Variants in ANK3 observed in about 807,000 individuals in gnomAD.
ANK3 encodes the protein ankyrin-3.
In ANK3, 57 loss-of-function variants were observed where a neutral mutation model predicts 370.9. The ratio of observed to expected loss-of-function variants is 0.15; its 90% CI spans 0.12 to 0.19. The LOEUF (loss-of-function observed/expected upper bound fraction) is 0.19. Ranked by LOEUF, ANK3 falls within the 10% of genes least tolerant of loss-of-function variation. The pLI, the probability that ANK3 is intolerant of heterozygous loss-of-function variation, is 1.00. For synonymous variants in ANK3, 1,929 were observed against 1,946.3 expected (o/e 0.99, Z 0.23); for missense variants, 4,439 against 5,302.1 (o/e 0.84, Z 5.06).
chr10:60,108,774 A>G, intron 27 of ANK3, 56 bp downstream of exon 27: 1 of 1,470,334 alleles, frequency 6.8e-7, no homozygotes, highest in South Asian at 1.2e-5. Flanking sequence ...AACAAGGGTA[A>G]AGAAAATCAA....
At chr10:60,155,588 T>C (rs1223841181) in intron 23 of ANK3, among the ~76,000 whole-genome samples, 1 of 152,182 alleles carries the variant, frequency 6.6e-6, no homozygotes, top group African/African-American at 2.4e-5. Context: ...TTCGATTGGA[T>C]TGAAGGATGC....
chr10:60,649,720 CTG>C (rs1350754756), intron 1 of ANK3, among the ~76,000 whole-genome samples: 1 of 152,200 alleles, frequency 6.6e-6, no homozygotes, highest in Non-Finnish European at 1.5e-5. Flanking sequence ...CAGCTTCAGC[CTG>C]AGCAGCTCTG....
chr10:60,309,124 C>T (rs534350320), intron 1 of ANK3, among the ~76,000 whole-genome samples: 4 of 152,246 alleles, frequency 2.6e-5, no homozygotes, highest in East Asian at 1.9e-4. Flanking sequence ...GGACTTCATA[C>T]GTGTGTTCTT....
intron 1 of ANK3, among the ~76,000 whole-genome samples, chr10:60,625,824 C>G (rs1229575829): frequency 6.6e-6 from 1 of 151,996 alleles, no homozygotes; most frequent in African/African-American, 2.4e-5. Flanking sequence ...ATGCATGGTT[C>G]TTATAAAATT....
intron 23 of ANK3, among the ~76,000 whole-genome samples, chr10:60,145,164 G>T (rs2094753539): frequency 6.6e-6 from 1 of 152,146 alleles, no homozygotes; most frequent in Admixed American, 6.6e-5. Context: ...GTAAAATACA[G>T]AATCTCCCAT....
intron 2 of ANK3, among the ~76,000 whole-genome samples, chr10:60,423,150 A>G (rs1280761356): frequency 6.6e-6 from 1 of 152,040 alleles, no homozygotes; most frequent in Admixed American, 6.6e-5. Flanking sequence ...GTGAAAACCA[A>G]TCTAGTGAAA....
chr10:60,458,147 T>A (rs1160655772), intron 2 of ANK3, among the ~76,000 whole-genome samples: 1 of 152,142 alleles, frequency 6.6e-6, no homozygotes, highest in Non-Finnish European at 1.5e-5. Flanking sequence ...GAAGTTGTGA[T>A]GTTTTGTGCA....
chr10:60,693,528 T>A (rs1168121655), intron 1 of ANK3, among the ~76,000 whole-genome samples: 2 of 152,184 alleles, frequency 1.3e-5, no homozygotes, highest in Non-Finnish European at 2.9e-5. Flanking sequence ...GAGCAGTGGT[T>A]CTCCCAGTAT....
intron 2 of ANK3, among the ~76,000 whole-genome samples, chr10:60,491,312 G>A (rs2075496981): frequency 6.6e-6 from 1 of 152,180 alleles, no homozygotes; most frequent in Non-Finnish European, 1.5e-5. Context: ...ACCTAGGTGA[G>A]TTATTGTCTT....
chr10:60,567,738 C>A (rs2077497284), intron 2 of ANK3, among the ~76,000 whole-genome samples: 1 of 152,170 alleles, frequency 6.6e-6, no homozygotes, highest in Non-Finnish European at 1.5e-5. Context: ...TATTCTAGAT[C>A]CCATTAAGCA....
chr10:60,640,202 G>A (rs10994447), intron 1 of ANK3, among the ~76,000 whole-genome samples: 1 of 150,570 alleles, frequency 6.6e-6, no homozygotes, highest in East Asian at 2.0e-4. Flanking sequence ...TGAATTCTAC[G>A]AGAGGTACAA....
rs764587483 is a variant in ANK3, at chr10:60,076,417, G to A, written c.4464C>T (p.Leu1488=). ...ATGGCTTGTATGAGTAAGTGGTGGG[G>A]AGGGATCTTGTTGCTCCTGTACTCC... ...IERSTGATRS[L]PTTYSYKPFF... The change falls in exon 37 of 44, where the codon CTC becomes CTT. Residue 1488 remains leucine, a synonymous_variant. Coordinates refer to ENST00000280772, the MANE Select transcript of ANK3 (RefSeq NM_020987.5). 2 of 1,612,100 alleles carry A rather than the reference G, an allele frequency of 1.2e-6. No homozygotes were observed. Among genetic ancestry groups the A allele is most frequent in the Non-Finnish European group, 8.5e-7 (1 of 1,178,918 alleles).
intron 2 of ANK3, among the ~76,000 whole-genome samples, chr10:60,581,776 CT>C (rs2077757753): frequency 6.6e-6 from 1 of 151,864 alleles, no homozygotes; most frequent in Non-Finnish European, 1.5e-5. Context: ...TGCTTTTTTG[CT>C]GATGAGTTGT....
At chr10:60,064,133 T>C (rs761450119) in intron 39 of ANK3, 24 bp downstream of exon 39, 1 of 1,540,884 alleles carries the variant, frequency 6.5e-7, no homozygotes, top group Non-Finnish European at 8.7e-7. Flanking sequence ...TTTTGAAAGT[T>C]AAAATAATAT....
At chr10:60,301,174 A>T (rs2043644128) in intron 1 of ANK3, among the ~76,000 whole-genome samples, 1 of 147,880 alleles carries the variant, frequency 6.8e-6, no homozygotes, top group African/African-American at 2.5e-5. Context: ...ATATATACAC[A>T]CTATATATAA....
intron 6 of ANK3, 41 bp downstream of exon 6, chr10:60,263,794 C>A: frequency 1.2e-6 from 2 of 1,610,472 alleles, no homozygotes; most frequent in Non-Finnish European, 1.7e-6. Context: ...GTGTCTAACA[C>A]CGGAGAGTTG....
In ANK3 at chr10:60,472,061, C is replaced by G. The variant is rs1344254513; in HGVS notation, c.96+143125G>C. On this transcript the variant is annotated intron_variant, in intron 2 of 43. Coordinates refer to the ANK3 transcript ENST00000373827. ...AGTTTTAGAGAAGGAGAACTTAGATCTTATCAGATAGAGTGGCTCTAATTT... is the reference window on the plus strand; with the variant it reads ...AGTTTTAGAGAAGGAGAACTTAGATGTTATCAGATAGAGTGGCTCTAATTT... Among the ~76,000 whole-genome samples the G allele has an allele frequency of 3.3e-5, 5 of 152,188 alleles. No homozygotes were observed. In the East Asian group the frequency reaches 9.6e-4, roughly 29 times the overall value.
chr10:60,728,111 C>G (rs1482154625), intron 1 of ANK3, among the ~76,000 whole-genome samples: 1 of 152,090 alleles, frequency 6.6e-6, no homozygotes, highest in Non-Finnish European at 1.5e-5. Flanking sequence ...CAAATCAGGG[C>G]TTTTTTTCTT....
At chr10:60,659,847 C>T (rs2078913537) in intron 1 of ANK3, among the ~76,000 whole-genome samples, 1 of 152,030 alleles carries the variant, frequency 6.6e-6, no homozygotes, top group Non-Finnish European at 1.5e-5. Flanking sequence ...ATAAAGGAAT[C>T]TGATAATGGG....
Sources: gnomAD v4.1 joint callset for allele counts (sites outside exome capture counted in the v4.1 genomes callset) on GRCh38, gnomAD v4.1.1 for gene constraint, MANE v1.5 for transcripts, NCBI Gene and HGNC (gene_info 2026-07-23, HGNC 2026-07-21) for gene names.